UBE3D: variants seen among roughly 807,000 people sequenced by gnomAD.
The protein encoded by UBE3D is ubiquitin protein ligase E3D.
In UBE3D, 48 loss-of-function variants were observed where a neutral mutation model predicts 49.6. The ratio of observed to expected loss-of-function variants is 0.97; its 90% CI spans 0.77 to 1.23. The LOEUF is 1.23. Among genes scored for constraint, UBE3D ranks in the 50% most tolerant of loss-of-function variants. The pLI, the probability that UBE3D is intolerant of heterozygous loss-of-function variation, is 0.00. For missense variants in UBE3D, 452 were observed against 468.4 expected, an observed-to-expected ratio of 0.96 and a Z score of 0.32; for synonymous variants, 189 against 174.2, an observed-to-expected ratio of 1.08 and a Z score of -0.67.
intron 9 of UBE3D, among the ~76,000 whole-genome samples, chr6:82,935,244 G>A (rs1021446248): frequency 6.6e-6 from 1 of 151,566 alleles, no homozygotes; most frequent in Non-Finnish European, 1.5e-5. Flanking sequence ...GAGGGGTGGG[G>A]GTGCCACACA....
At chr6:82,957,489 A>T in intron 8 of UBE3D, 39 bp from the exon 9 acceptor site, 36 of 1,565,268 alleles carry the variant, frequency 2.3e-5, no homozygotes, top group Non-Finnish European at 3.1e-5. Context: ...AAAATGCATT[A>T]TCATAATTAT....
chr6:83,032,346 G>A, intron 5 of UBE3D: 1 of 449,516 alleles, frequency 2.2e-6, no homozygotes, highest in Middle Eastern at 7.0e-4. Context: ...TCATTTTGGA[G>A]CTTTAAGGTT....
rs538030487 is a variant in UBE3D, at chr6:82,961,379, C to T, written c.1011-3929G>A. 3.3e-5 allele frequency among the ~76,000 whole-genome samples: 5 copies of T among 152,280 alleles called. No homozygotes were observed. In the South Asian group the frequency reaches 6.2e-4, roughly 19 times the overall value. Reference sequence around the variant, plus strand: ...ACACATCCAGGCACCAGGTCAGGCACTTTAGTTATATTTGTTGTCTCTAAT... The same window carrying T: ...ACACATCCAGGCACCAGGTCAGGCATTTTAGTTATATTTGTTGTCTCTAAT... On this transcript the variant is annotated intron_variant, in intron 8 of 9. Coordinates refer to ENST00000369747, the MANE Select transcript of UBE3D (RefSeq NM_198920.3).
the UBE3D span, among the ~76,000 whole-genome samples, chr6:82,881,950 TAGTA>T: frequency 6.6e-6 from 1 of 152,184 alleles, no homozygotes; most frequent in Non-Finnish European, 1.5e-5. Context: ...TATCAGCTGT[TAGTA>T]AGCCAAATTA....
chr6:82,928,510 G>C (rs1399377027), intron 9 of UBE3D, among the ~76,000 whole-genome samples: 1 of 152,090 alleles, frequency 6.6e-6, no homozygotes, highest in Admixed American at 6.5e-5. Flanking sequence ...AGCTTAAAAA[G>C]ATCTTTTAAC....
At chr6:82,989,775 C>T (rs1778761578) in intron 8 of UBE3D, among the ~76,000 whole-genome samples, 1 of 152,090 alleles carries the variant, frequency 6.6e-6, no homozygotes, top group Admixed American at 6.6e-5. Context: ...TCAATCCCAT[C>T]TTCAAAAAAT....
chr6:82,902,393 T>C lies in UBE3D; in HGVS notation c.1150-9351A>G, dbSNP rs148463202. Among the ~76,000 whole-genome samples the C allele has an allele frequency of 7.2e-5, 11 of 152,262 alleles. No individual in the cohort carries two copies. In the East Asian group the frequency reaches 2.1e-3, roughly 29 times the overall value. ...AGCCAAAACCTGGAGTCAGCCCAGGTGACTGGCTAAATTGTTGTACAGCCA... is the reference window on the plus strand; with the variant it reads ...AGCCAAAACCTGGAGTCAGCCCAGGCGACTGGCTAAATTGTTGTACAGCCA... On this transcript the variant is annotated intron_variant, in intron 9 of 9. Coordinates refer to ENST00000369747, the MANE Select transcript of UBE3D (RefSeq NM_198920.3).
intron 9 of UBE3D, among the ~76,000 whole-genome samples, chr6:82,930,400 C>T (rs2127743770): frequency 6.6e-6 from 1 of 152,214 alleles, no homozygotes; most frequent in South Asian, 2.1e-4. Context: ...GTGGAAGTGA[C>T]TTTGGAACTG....
At chr6:83,055,500 G>A (rs1275129817) in intron 2 of UBE3D, among the ~76,000 whole-genome samples, 1 of 152,152 alleles carries the variant, frequency 6.6e-6, no homozygotes, top group Non-Finnish European at 1.5e-5. Flanking sequence ...GGAGACCTAG[G>A]AATCCAAAAT....
At chr6:83,006,464 AG>A (rs1562177202) in intron 8 of UBE3D, among the ~76,000 whole-genome samples, 1 of 152,168 alleles carries the variant, frequency 6.6e-6, no homozygotes, top group Admixed American at 6.5e-5. Context: ...CCTTACCAGA[AG>A]AGGAAGAGAC....
intron 8 of UBE3D, among the ~76,000 whole-genome samples, chr6:83,005,155 G>A (rs911574550): frequency 6.6e-6 from 1 of 152,116 alleles, no homozygotes; most frequent in Non-Finnish European, 1.5e-5. Flanking sequence ...AAAAGGAATT[G>A]ATTAAAAAGG....
chr6:83,037,918 A>C (rs746431302), intron 5 of UBE3D: 6 of 152,268 alleles, frequency 3.9e-5, no homozygotes, highest in Admixed American at 2.6e-4. Context: ...TCCCATCCCC[A>C]GCCCCAAAAT....
At chr6:82,955,589 T>C (rs1582457986) in intron 9 of UBE3D, among the ~76,000 whole-genome samples, 2 of 152,220 alleles carry the variant, frequency 1.3e-5, no homozygotes, top group South Asian at 2.1e-4. Context: ...TAAAGAAATA[T>C]GGATAGACAG....
chr6:82,901,960 T>C (rs1347625221), intron 9 of UBE3D, among the ~76,000 whole-genome samples: 1 of 152,174 alleles, frequency 6.6e-6, no homozygotes, highest in African/African-American at 2.4e-5. Context: ...GAATGAATTT[T>C]CTGGGGGGTG....
chr6:82,941,395 A>G (rs950449941), intron 9 of UBE3D, among the ~76,000 whole-genome samples: 1 of 152,072 alleles, frequency 6.6e-6, no homozygotes, highest in Non-Finnish European at 1.5e-5. Context: ...AAAGTGGAAT[A>G]TAACAGATGA....
chr6:82,963,180 A>C (rs1467340790), intron 8 of UBE3D, among the ~76,000 whole-genome samples: 2 of 151,046 alleles, frequency 1.3e-5, no homozygotes, highest in Non-Finnish European at 2.9e-5. Context: ...ACTTCAGGTA[A>C]AGTTTTCATC....
intron 8 of UBE3D, chr6:83,018,108 G>A (rs1780822965): frequency 2.0e-5 from 3 of 152,100 alleles, no homozygotes; most frequent in Non-Finnish European, 4.4e-5. Flanking sequence ...ACTTGCATAA[G>A]AAACCTAATT....
At chr6:83,040,401 C>CTATA (rs764143727) in intron 4 of UBE3D, among the ~76,000 whole-genome samples, 4 of 137,226 alleles carry the variant, frequency 2.9e-5, no homozygotes, top group African/African-American at 1.1e-4. Flanking sequence ...CTCTCTCTCT[C>CTATA]TCTATATATA....
chr6:82,882,292 A>G, the UBE3D span, among the ~76,000 whole-genome samples: 1 of 152,222 alleles, frequency 6.6e-6, no homozygotes, highest in Admixed American at 6.5e-5. Context: ...CAGAGGGATC[A>G]TATAGCAAAG....
Sources: gnomAD v4.1 joint callset for allele counts (sites outside exome capture counted in the v4.1 genomes callset) on GRCh38, gnomAD v4.1.1 for gene constraint, MANE v1.5 for transcripts, NCBI Gene and HGNC (gene_info 2026-07-23, HGNC 2026-07-21) for gene names.